PCDHA6: variants seen among roughly 807,000 people sequenced by gnomAD.
PCDHA6 encodes protocadherin alpha 6.
Under a neutral mutation model 60.3 loss-of-function variants are expected in PCDHA6, and 55 were observed. The observed-to-expected ratio is 0.91, with a 90% CI of 0.73 to 1.14. The LOEUF is 1.14. Ranked by LOEUF, PCDHA6 falls within the 50% of genes most tolerant of loss-of-function variation. PCDHA6 has a pLI of 0.00. For synonymous variants in PCDHA6, 652 were observed against 557.9 expected, an observed-to-expected ratio of 1.17 and a Z score of -2.38; for missense variants, 1,327 against 1,256.5, an observed-to-expected ratio of 1.06 and a Z score of -0.85.
intron 1 of PCDHA6, chr5:140,928,245 A>G: frequency 2.5e-6 from 4 of 1,614,192 alleles, no homozygotes; most frequent in Non-Finnish European, 8.5e-7. Context: ...CCCAGCAGGA[A>G]CTTTTCGTTG....
chr5:140,875,765 G>T (rs1554167926), intron 1 of PCDHA6: 2 of 1,614,252 alleles, frequency 1.2e-6, no homozygotes, highest in Middle Eastern at 1.6e-4. Context: ...CTGTGCGGGC[G>T]GAGCGCGGAG....
At chr5:140,967,749 C>T (rs1554229896) in intron 1 of PCDHA6, 1 of 1,614,172 alleles carries the variant, frequency 6.2e-7, no homozygotes, top group African/African-American at 1.3e-5. Context: ...TATGAGGAAG[C>T]CTCCTCCTAC....
rs1050286921 is a variant in PCDHA6, at chr5:140,879,863, C to G, written c.2394+49378C>G. Among the ~76,000 whole-genome samples, 24 of 152,218 alleles carry G rather than the reference C, an allele frequency of 1.6e-4. 1 individual carries two copies. Among genetic ancestry groups the G allele is most frequent in the Non-Finnish European group, 5.9e-5 (4 of 68,034 alleles). Reference sequence around the variant, plus strand: ...ACCACTCCCATCTCAGCCTTCTCAGCTTTCATGGTCACATTGCCTCCTCCT... The same window carrying G: ...ACCACTCCCATCTCAGCCTTCTCAGGTTTCATGGTCACATTGCCTCCTCCT... On this transcript the variant is annotated intron_variant, in intron 1 of 3. Coordinates refer to ENST00000529310, the MANE Select transcript of PCDHA6 (RefSeq NM_018909.4).
At chr5:140,890,830 A>G (rs903756043) in intron 1 of PCDHA6, among the ~76,000 whole-genome samples, 1 of 152,182 alleles carries the variant, frequency 6.6e-6, no homozygotes, top group Non-Finnish European at 1.5e-5. Context: ...GTACTTACAT[A>G]TTTACCAGTT....
intron 1 of PCDHA6, chr5:140,841,314 T>C (rs2150313381): frequency 7.6e-6 from 12 of 1,583,242 alleles, no homozygotes; most frequent in Non-Finnish European, 1.0e-5. Flanking sequence ...AGGAAACGAC[T>C]ATTTAACATG....
At chr5:140,903,916 T>C (rs1192195691) in intron 1 of PCDHA6, among the ~76,000 whole-genome samples, 1 of 152,260 alleles carries the variant, frequency 6.6e-6, no homozygotes, top group African/African-American at 2.4e-5. Flanking sequence ...TGTGACTTCC[T>C]TGCTGCATTG....
intron 1 of PCDHA6, chr5:140,928,375 T>C: frequency 6.2e-7 from 1 of 1,614,184 alleles, no homozygotes. Context: ...GCCATCAGCC[T>C]CTAGCTTGCT....
At chr5:140,858,280 G>A (rs782403060) in intron 1 of PCDHA6, 11 of 1,597,460 alleles carry the variant, frequency 6.9e-6, no homozygotes, top group Non-Finnish European at 5.1e-6. Flanking sequence ...GCGCGGTGGG[G>A]AGCTGGTCTT....
intron 1 of PCDHA6, among the ~76,000 whole-genome samples, chr5:140,951,752 G>A (rs246039): frequency 0.51 from 77,303 of 151,800 alleles, 20,616 homozygotes; most frequent in African/African-American, 0.68. Context: ...CTCACCCTCC[G>A]CGAAATCTCA....
intron 1 of PCDHA6, chr5:140,858,360 G>C (rs782369682): frequency 1.9e-6 from 3 of 1,592,532 alleles, no homozygotes; most frequent in Non-Finnish European, 2.6e-6. Flanking sequence ...ATGGCCTTCA[G>C]CCCCAGCCTT....
At chr5:140,896,706 T>C (rs188797791) in intron 1 of PCDHA6, among the ~76,000 whole-genome samples, 169 of 152,248 alleles carry the variant, frequency 1.1e-3, no homozygotes, top group East Asian at 5.2e-3. Context: ...AGGTTGTTTG[T>C]TTTTTGCTTG....
chr5:140,987,882 T>G (rs942974119), intron 3 of PCDHA6, among the ~76,000 whole-genome samples: 2 of 152,158 alleles, frequency 1.3e-5, no homozygotes, highest in Non-Finnish European at 2.9e-5. Flanking sequence ...ATGGACAGTT[T>G]ATGTGCCCTA....
chr5:140,842,491 G>GC, intron 1 of PCDHA6: 1 of 1,613,896 alleles, frequency 6.2e-7, no homozygotes, highest in African/African-American at 1.3e-5. Flanking sequence ...GCTCCCTGAT[G>GC]CCCCATGTCC....
intron 1 of PCDHA6, chr5:140,851,487 C>A: frequency 2.2e-6 from 2 of 889,094 alleles, no homozygotes; most frequent in Non-Finnish European, 1.4e-6. Flanking sequence ...TAAACACAGC[C>A]TTCATTTCAA....
chr5:140,915,463 T>C (rs2077131577), intron 1 of PCDHA6, among the ~76,000 whole-genome samples: 1 of 152,184 alleles, frequency 6.6e-6, no homozygotes, highest in East Asian at 1.9e-4. Flanking sequence ...AGAAGGTTTT[T>C]ATTTGAAGGA....
chr5:140,843,773 T>G (rs2150366556), intron 1 of PCDHA6: 2 of 1,456,190 alleles, frequency 1.4e-6, no homozygotes, highest in Non-Finnish European at 1.9e-6. Context: ...GTAGTTACTT[T>G]AAAAGTGTTT....
At chr5:140,940,398 T>C (rs936966571) in intron 1 of PCDHA6, among the ~76,000 whole-genome samples, 10 of 152,340 alleles carry the variant, frequency 6.6e-5, no homozygotes, top group African/African-American at 2.4e-4. Context: ...TATTGTGTTT[T>C]TCATTTTAAA....
chr5:140,966,575 A>C (rs2096022921), intron 1 of PCDHA6: 1 of 520,380 alleles, frequency 1.9e-6, no homozygotes, highest in Non-Finnish European at 3.2e-6. Context: ...ATGGGGAGTC[A>C]GCGAGGACGG....
intron 1 of PCDHA6, chr5:140,858,025 G>C (rs992119806): frequency 1.9e-6 from 3 of 1,596,952 alleles, no homozygotes; most frequent in Non-Finnish European, 2.6e-6. Context: ...CGTCGCTGAC[G>C]GCCACGGCCA....
Sources: gnomAD v4.1 joint callset for allele counts (sites outside exome capture counted in the v4.1 genomes callset) on GRCh38, gnomAD v4.1.1 for gene constraint, MANE v1.5 for transcripts, NCBI Gene and HGNC (gene_info 2026-07-23, HGNC 2026-07-21) for gene names.